Variants in PCDHA11 observed in about 807,000 individuals in gnomAD.
The protein encoded by PCDHA11 is protocadherin alpha 11, also known as protocadherin alpha-11.
Under a neutral mutation model 70.3 loss-of-function variants are expected in PCDHA11, and 61 were observed. That is an observed-to-expected ratio of 0.87 (90% confidence interval 0.71 to 1.07). The LOEUF is 1.07. Among genes scored for constraint, PCDHA11 ranks in the 50% least tolerant of loss-of-function variants. PCDHA11 has a pLI of 0.00. For missense variants in PCDHA11, 1,324 were observed against 1,237.5 expected, an observed-to-expected ratio of 1.07 and a Z score of -1.05; for synonymous variants, 633 against 555.1, an observed-to-expected ratio of 1.14 and a Z score of -1.97.
At chr5:140,968,044 A>G (rs959631573) in intron 1 of PCDHA11, 2 of 1,614,024 alleles carry the variant, frequency 1.2e-6, no homozygotes, top group Non-Finnish European at 1.7e-6. Context: ...TGAGCGGCCC[A>G]CTGGACCGAG....
intron 1 of PCDHA11, chr5:140,929,032 T>C (rs781951889): frequency 1.9e-6 from 3 of 1,614,236 alleles, no homozygotes; most frequent in East Asian, 2.2e-5. Flanking sequence ...CCCAGGCTGT[T>C]GCGCTCAGAG....
chr5:140,925,124 A>AGGAAGGAAGGAAGGAAGGAAGGAAGG, intron 1 of PCDHA11, among the ~76,000 whole-genome samples: 1 of 151,856 alleles, frequency 6.6e-6, no homozygotes, highest in Non-Finnish European at 1.5e-5. Flanking sequence ...GAAGGAAGGA[A>AGGAAGGAAGGAAGGAAGGAAGGAAGG]AAAAAATTTC....
In PCDHA11 at chr5:140,875,325, G is replaced by C. The variant is rs1293166061; in HGVS notation, c.2391+3831G>C. 3 of 1,427,764 alleles carry C rather than the reference G, an allele frequency of 2.1e-6. No homozygotes were observed. The African/African-American group carries it at 4.3e-5, about 21-fold the overall frequency. 88.4% of individuals were successfully genotyped at this position (1,427,764 alleles called of 1,614,324 possible). A position where few individuals can be genotyped will look rare whatever the true frequency, so the allele number is the denominator to read the frequency against. On this transcript the variant is annotated intron_variant, in intron 1 of 3. Coordinates refer to ENST00000398640, the MANE Select transcript of PCDHA11 (RefSeq NM_018902.5). ...CCGCACCCACATTCCAATCATTCAC[G>C]GAATAGGATCGACTCCATAATGACT...
intron 1 of PCDHA11, among the ~76,000 whole-genome samples, chr5:140,906,473 A>G (rs2072671241): frequency 6.6e-6 from 1 of 152,214 alleles, no homozygotes. Flanking sequence ...TCTTAGTACA[A>G]ATGTATAAAT....
chr5:140,937,227 C>CG lies in PCDHA11; in HGVS notation c.2392-41718dup, dbSNP rs2091422712. Among the ~76,000 whole-genome samples the CG allele has an allele frequency of 2.0e-5, 3 of 151,930 alleles. No homozygotes were observed. The South Asian group carries it at 6.2e-4, about 32-fold the overall frequency. On this transcript the variant is annotated intron_variant, in intron 1 of 3. Transcript: ENST00000398640. Reference sequence around the variant, plus strand: ...TAATTTTTTGTATTTTTTGTAGAGACGGGGTTTCACCGTGTTAGCCAGGAT... The same window carrying CG: ...TAATTTTTTGTATTTTTTGTAGAGACGGGGGTTTCACCGTGTTAGCCAGGAT...
At chr5:140,927,669 T>G in intron 1 of PCDHA11, 1 of 1,614,106 alleles carries the variant, frequency 6.2e-7, no homozygotes. Context: ...AAGCCTTGGA[T>G]CCAGATGAAG....
At chr5:140,964,998 G>C (rs2095868277) in intron 1 of PCDHA11, among the ~76,000 whole-genome samples, 1 of 152,166 alleles carries the variant, frequency 6.6e-6, no homozygotes, top group Admixed American at 6.5e-5. Flanking sequence ...TTTGAATTCT[G>C]GGTGTCAGGA....
At position 140,876,665 on chromosome 5, in the gene PCDHA11, T is replaced by C. The variant is rs781830697; in HGVS notation, c.2391+5171T>C. 98 of 1,614,080 alleles carry C rather than the reference T, an allele frequency of 6.1e-5. 1 individual carries two copies. The South Asian group carries it at 9.4e-4, about 16-fold the overall frequency. ...ACACCTCATGTTCCCTTCAAGCTGG[T>C]GTCCACCTACAAGAATTACTACTCG... On this transcript the variant is annotated intron_variant, in intron 1 of 3. Coordinates refer to ENST00000398640, the MANE Select transcript of PCDHA11 (RefSeq NM_018902.5).
intron 1 of PCDHA11, chr5:140,929,189 A>C (rs782622519): frequency 3.1e-6 from 5 of 1,614,180 alleles, no homozygotes; most frequent in Non-Finnish European, 3.4e-6. Context: ...GGTTCTGATA[A>C]TAACAGTTTG....
At chr5:140,922,865 G>A (rs1554201014) in intron 1 of PCDHA11, among the ~76,000 whole-genome samples, 1 of 152,062 alleles carries the variant, frequency 6.6e-6, no homozygotes, top group Non-Finnish European at 1.5e-5. Flanking sequence ...ATAGACAAGG[G>A]GAAAAAATCC....
At chr5:140,907,534 T>G (rs2073435289) in intron 1 of PCDHA11, among the ~76,000 whole-genome samples, 1 of 152,204 alleles carries the variant, frequency 6.6e-6, no homozygotes, top group African/African-American at 2.4e-5. Flanking sequence ...CGCTGCCCTT[T>G]CTATGATGGA....
intron 1 of PCDHA11, among the ~76,000 whole-genome samples, chr5:140,891,122 G>A (rs572236105): frequency 1.3e-5 from 2 of 152,256 alleles, no homozygotes; most frequent in African/African-American, 4.8e-5. Flanking sequence ...CAATCTAAAT[G>A]TCATTCCTTT....
chr5:140,995,883 A>C (rs892876266), intron 3 of PCDHA11, among the ~76,000 whole-genome samples: 2 of 152,232 alleles, frequency 1.3e-5, no homozygotes, highest in Admixed American at 6.5e-5. Flanking sequence ...CCTGTGCTTC[A>C]GATTTATCAA....
In PCDHA11 at chr5:141,011,378, C is replaced by T. The variant is rs1419825590; in HGVS notation, c.*1441C>T. 1 of 153,742 alleles carries T rather than the reference C, an allele frequency of 6.5e-6. No individual in the cohort carries two copies. Among genetic ancestry groups the T allele is most frequent in the African/African-American group, 2.4e-5 (1 of 41,460 alleles). The allele number at this position is 153,742 out of a possible 1,614,324, so 9.5% of individuals were successfully genotyped here. Reference sequence around the variant, plus strand: ...ATGTATGCTGTATGCTATGCTAAGACTCCTGAAATATACTTACTCTGTGCT... The same window carrying T: ...ATGTATGCTGTATGCTATGCTAAGATTCCTGAAATATACTTACTCTGTGCT... On this transcript the variant is annotated 3_prime_UTR_variant, in exon 4 of 4. Coordinates refer to ENST00000398640, the MANE Select transcript of PCDHA11 (RefSeq NM_018902.5).
chr5:140,966,812 C>T, intron 1 of PCDHA11: 1 of 1,550,798 alleles, frequency 6.4e-7, no homozygotes, highest in East Asian at 2.4e-5. Flanking sequence ...GCATCCACGG[C>T]TCCGGCGGCC....
rs200253752 is a variant in PCDHA11, at chr5:140,890,259, T to TA, written c.2391+18765_2391+18766insA. ...TTTACCAGTACACTACTGCACCTGA[T>TA]TGCAAGCAAGAACCACTCAGTTGAG... On this transcript the variant is annotated intron_variant, in intron 1 of 3. Coordinates refer to ENST00000398640, the MANE Select transcript of PCDHA11 (RefSeq NM_018902.5). Among the ~76,000 whole-genome samples the TA allele has an allele frequency of 8.0e-3, 1,219 of 152,258 alleles. 6 individuals carry two copies. Among genetic ancestry groups the TA allele is most frequent in the African/African-American group, 0.019 (787 of 41,546 alleles).
chr5:140,909,719 C>T (rs2074652522), intron 1 of PCDHA11, among the ~76,000 whole-genome samples: 1 of 152,130 alleles, frequency 6.6e-6, no homozygotes, highest in Non-Finnish European at 1.5e-5. Flanking sequence ...ATACCTATGC[C>T]AATTATGCAT....
At chr5:140,983,473 ATAG>A (rs746174585) in intron 3 of PCDHA11, among the ~76,000 whole-genome samples, 7 of 152,242 alleles carry the variant, frequency 4.6e-5, no homozygotes, top group Admixed American at 6.5e-5. Flanking sequence ...CATGATGATA[ATAG>A]TAGTTACTAA....
chr5:140,958,468 G>T (rs1554223482), intron 1 of PCDHA11, among the ~76,000 whole-genome samples: 6 of 152,040 alleles, frequency 3.9e-5, no homozygotes, highest in Non-Finnish European at 8.8e-5. Flanking sequence ...ACTTCTGCTG[G>T]CTTAAAGAGC....
Sources: gnomAD v4.1 joint callset for allele counts (sites outside exome capture counted in the v4.1 genomes callset) on GRCh38, gnomAD v4.1.1 for gene constraint, MANE v1.5 for transcripts, NCBI Gene and HGNC (gene_info 2026-07-23, HGNC 2026-07-21) for gene names.